Variants in MAML2 observed in about 807,000 individuals in gnomAD.
The protein encoded by MAML2 is mastermind-like protein 2.
In MAML2, 22 loss-of-function variants were observed where a neutral mutation model predicts 96.1. That is an observed-to-expected ratio of 0.23 (90% confidence interval 0.16 to 0.33). The LOEUF is 0.33. MAML2 is among the 10% of genes least tolerant of loss of function. The pLI is 1.00. For missense variants in MAML2, 1,367 were observed against 1,392.4 expected (o/e 0.98, Z 0.29); for synonymous variants, 561 against 521.3 (o/e 1.08, Z -1.04).
intron 1 of MAML2, among the ~76,000 whole-genome samples, chr11:96,110,247 G>A (rs1041890004): frequency 6.6e-6 from 1 of 152,192 alleles, no homozygotes; most frequent in Non-Finnish European, 1.5e-5. Flanking sequence ...CTGGAGGAAG[G>A]AGAGAGAGGA....
At chr11:96,146,908 C>A (rs953300963) in intron 1 of MAML2, among the ~76,000 whole-genome samples, 3 of 152,128 alleles carry the variant, frequency 2.0e-5, no homozygotes, top group Admixed American at 2.0e-4. Context: ...AAAAATGGTG[C>A]CAGACCAACC....
chr11:96,212,494 T>C (rs1018191771), intron 1 of MAML2, among the ~76,000 whole-genome samples: 1 of 152,160 alleles, frequency 6.6e-6, no homozygotes, highest in Admixed American at 6.5e-5. Flanking sequence ...AAAACTGCAA[T>C]GACTTATGCA....
chr11:96,063,940 T>C (rs1859207055), intron 2 of MAML2, among the ~76,000 whole-genome samples: 2 of 152,192 alleles, frequency 1.3e-5, no homozygotes, highest in South Asian at 4.1e-4. Context: ...AGATGCTCCC[T>C]GTGTGATTAG....
chr11:96,168,738 C>A (rs1383766887), intron 1 of MAML2, among the ~76,000 whole-genome samples: 1 of 152,188 alleles, frequency 6.6e-6, no homozygotes, highest in Non-Finnish European at 1.5e-5. Flanking sequence ...GCATAGTGCC[C>A]TGTGAACCTC....
chr11:96,083,789 C>T (rs111371906), intron 2 of MAML2, among the ~76,000 whole-genome samples: 2 of 152,134 alleles, frequency 1.3e-5, no homozygotes, highest in Non-Finnish European at 2.9e-5. Flanking sequence ...AGACAGATGC[C>T]ACCCCTGTAT....
chr11:96,031,374 C>T (rs1858612249), intron 2 of MAML2, among the ~76,000 whole-genome samples: 1 of 151,840 alleles, frequency 6.6e-6, no homozygotes, highest in Admixed American at 6.6e-5. Flanking sequence ...TGTTTTCTCT[C>T]TTTGACAAAA....
At chr11:96,317,666 G>T (rs766048810) in intron 1 of MAML2, among the ~76,000 whole-genome samples, 21 of 152,322 alleles carry the variant, frequency 1.4e-4, no homozygotes, top group Non-Finnish European at 2.6e-4. Flanking sequence ...GCTGCAGGCT[G>T]CCCAGCTTTG....
chr11:95,990,828 G>A (rs1857897311), intron 3 of MAML2, among the ~76,000 whole-genome samples: 1 of 152,110 alleles, frequency 6.6e-6, no homozygotes, highest in Non-Finnish European at 1.5e-5. Context: ...CAAATAGTTT[G>A]AAGGGAGGCA....
At chr11:96,124,373 G>A (rs1365286991) in intron 1 of MAML2, among the ~76,000 whole-genome samples, 1 of 152,130 alleles carries the variant, frequency 6.6e-6, no homozygotes. Context: ...TACGACACAG[G>A]ATGTTCTCTG....
chr11:96,204,329 GGTCATT>G (rs765637909), intron 1 of MAML2, among the ~76,000 whole-genome samples: 2 of 152,198 alleles, frequency 1.3e-5, no homozygotes, highest in African/African-American at 2.4e-5. Flanking sequence ...AAGAAGAGTA[GGTCATT>G]GTGTCTGCCC....
intron 1 of MAML2, among the ~76,000 whole-genome samples, chr11:96,184,872 G>A (rs1861548880): frequency 6.6e-6 from 1 of 152,136 alleles, no homozygotes; most frequent in Non-Finnish European, 1.5e-5. Flanking sequence ...GGGATTACAG[G>A]CGTGAGCCAC....
At chr11:96,037,520 A>T (rs561694851) in intron 2 of MAML2, among the ~76,000 whole-genome samples, 2 of 152,192 alleles carry the variant, frequency 1.3e-5, no homozygotes, top group Non-Finnish European at 2.9e-5. Context: ...GTGACCATGG[A>T]AAACTAATAA....
chr11:96,190,839 G>A (rs537465208), intron 1 of MAML2, among the ~76,000 whole-genome samples: 1 of 152,294 alleles, frequency 6.6e-6, no homozygotes, highest in South Asian at 2.1e-4. Context: ...TTTACTGAGG[G>A]CCTATTGTGA....
At chr11:96,126,607 G>A (rs561547143) in intron 1 of MAML2, among the ~76,000 whole-genome samples, 6 of 152,160 alleles carry the variant, frequency 3.9e-5, no homozygotes, top group South Asian at 4.1e-4. Context: ...TACTGTATCC[G>A]GATTCTGATG....
chr11:96,251,797 T>A (rs1332664530), intron 1 of MAML2, among the ~76,000 whole-genome samples: 2 of 150,980 alleles, frequency 1.3e-5, no homozygotes, highest in Admixed American at 6.6e-5. Context: ...AGTGACGCGA[T>A]CTTGGCTCAC....
intron 1 of MAML2, among the ~76,000 whole-genome samples, chr11:96,332,061 C>T (rs1285620166): frequency 6.6e-6 from 1 of 152,160 alleles, no homozygotes; most frequent in Non-Finnish European, 1.5e-5. Flanking sequence ...AGGCAGTGAG[C>T]AATCAGAACT....
chr11:96,212,978 G>A (rs1446981693), intron 1 of MAML2, among the ~76,000 whole-genome samples: 2 of 152,134 alleles, frequency 1.3e-5, no homozygotes, highest in African/African-American at 4.8e-5. Context: ...ACAATTAGGA[G>A]GAATGGGTAA....
intron 1 of MAML2, among the ~76,000 whole-genome samples, chr11:96,117,217 T>C (rs1860259005): frequency 6.6e-6 from 1 of 151,250 alleles, no homozygotes; most frequent in Non-Finnish European, 1.5e-5. Context: ...CTTGCAAATT[T>C]CCATAACTGG....
chr11:96,139,021 G>C (rs950697192), intron 1 of MAML2, among the ~76,000 whole-genome samples: 1 of 152,056 alleles, frequency 6.6e-6, no homozygotes, highest in Non-Finnish European at 1.5e-5. Context: ...GTAAATTCCA[G>C]AACTCCCTTG....
Sources: allele counts gnomAD v4.1 joint callset (sites outside exome capture counted in the v4.1 genomes callset), GRCh38; gene constraint gnomAD v4.1.1; transcripts MANE v1.5; gene names NCBI Gene and HGNC (gene_info 2026-07-23, HGNC 2026-07-21).